PPP4R3A: variants seen among roughly 807,000 people sequenced by gnomAD.
PPP4R3A encodes the protein serine/threonine-protein phosphatase 4 regulatory subunit 3A.
In PPP4R3A, 15 loss-of-function variants were observed where a neutral mutation model predicts 91.7. The ratio of observed to expected loss-of-function variants is 0.16; its 90% CI spans 0.11 to 0.25. The LOEUF (loss-of-function observed/expected upper bound fraction) is 0.25. PPP4R3A is among the 10% of genes least tolerant of loss of function. The pLI is 1.00. For missense variants in PPP4R3A, 623 were observed against 998.4 expected (o/e 0.62, Z 5.07); for synonymous variants, 377 against 348.7 (o/e 1.08, Z -0.91).
In PPP4R3A at chr14:91,462,094, C is replaced by A. The variant is rs1888194132; in HGVS notation, c.2119G>T (p.Asp707Tyr). 6.4e-7 allele frequency: 1 copy of A among 1,557,306 alleles called. No homozygotes were observed. Residue 707 changes from aspartate (D) to tyrosine (Y), a missense_variant, in exon 13 of 15, where the codon GAT becomes TAT. Asp to Tyr is a radical substitution (Grantham distance 160). This residue lies in a region of PPP4R3A where 201 missense variants were observed against 229.9 expected (regional missense o/e 0.87). Transcript: ENST00000554943. ...TTACTTATTGGATCCATAATATCAT[C>A]ATCATTTTTAGTTTTGTCAGATGGA... ...VSPSDKTKND[D>Y]DIMDPISKFM...
intron 1 of PPP4R3A, among the ~76,000 whole-genome samples, chr14:91,498,846 G>A (rs1025251627): frequency 5.3e-5 from 8 of 150,340 alleles, no homozygotes; most frequent in South Asian, 4.2e-4. Flanking sequence ...CCCGGGAGGC[G>A]GAGCTTGCAG....
rs556645865 is a variant in PPP4R3A at position 91,494,279 on chromosome 14, A to T, written c.143-3477T>A. Among the ~76,000 whole-genome samples, 3 of 152,328 alleles carry T rather than the reference A, an allele frequency of 2.0e-5. No homozygotes were observed. In the South Asian group the frequency reaches 6.2e-4, roughly 32 times the overall value. Reference sequence around the variant, plus strand: ...GCTTCTCTAAAAGTTAAAACTGCACAAAAGTACAACCTATATAAAAGAAAA... The same window carrying T: ...GCTTCTCTAAAAGTTAAAACTGCACTAAAGTACAACCTATATAAAAGAAAA... On this transcript the variant is annotated intron_variant, in intron 1 of 14. Coordinates refer to ENST00000554943, the MANE Select transcript of PPP4R3A (RefSeq NM_001366432.2).
In PPP4R3A at chr14:91,484,468, A is replaced by C. The variant is rs146845200; in HGVS notation, c.297+1164T>G. On this transcript the variant is annotated intron_variant, in intron 3 of 14. Coordinates refer to ENST00000554943, the MANE Select transcript of PPP4R3A (RefSeq NM_001366432.2). ...CCCTCCATTCATTTATGTGCTGTCT[A>C]TGACTACTTCCGAACTAGAACAGCA... Among the ~76,000 whole-genome samples the C allele has an allele frequency of 2.0e-5, 3 of 152,340 alleles. No homozygotes were observed. The East Asian group carries it at 5.8e-4, about 29-fold the overall frequency.
chr14:91,499,833 A>T (rs1890831737), intron 1 of PPP4R3A, among the ~76,000 whole-genome samples: 1 of 151,654 alleles, frequency 6.6e-6, no homozygotes, highest in Admixed American at 6.6e-5. Context: ...AAAAAAAAAA[A>T]AAAAAAAAGT....
intron 6 of PPP4R3A, 31 bp downstream of exon 6, chr14:91,476,377 G>A (rs1399546844): frequency 2.9e-6 from 4 of 1,378,386 alleles, no homozygotes; most frequent in South Asian, 1.2e-5. Flanking sequence ...TTAAAAAATG[G>A]TAATTAAAAA....
chr14:91,461,280 C>T, intron 14 of PPP4R3A, 101 bp downstream of exon 14: 3 of 1,022,108 alleles, frequency 2.9e-6, no homozygotes, highest in Non-Finnish European at 2.9e-6. Context: ...GATGTTAAAT[C>T]AGTTCTAGGT....
At chr14:91,502,816 T>TC (rs1426547177) in intron 1 of PPP4R3A, among the ~76,000 whole-genome samples, 10 of 152,326 alleles carry the variant, frequency 6.6e-5, no homozygotes, top group Admixed American at 2.6e-4. Context: ...CAGATAAAAC[T>TC]ATTTTGAAAT....
chr14:91,493,911 T>G (rs1257951942), intron 1 of PPP4R3A, among the ~76,000 whole-genome samples: 1 of 150,352 alleles, frequency 6.7e-6, no homozygotes, highest in African/African-American at 2.5e-5. Flanking sequence ...TAGCTGGGCA[T>G]GTGCCACCAT....
At chr14:91,487,050 C>T (rs548071131) in intron 2 of PPP4R3A, among the ~76,000 whole-genome samples, 1 of 151,838 alleles carries the variant, frequency 6.6e-6, no homozygotes, top group East Asian at 1.9e-4. Flanking sequence ...AGTTCAAGAC[C>T]AGCCTGGCCA....
Position 91,461,474 on chromosome 14 carries a change from A to C in PPP4R3A, c.2298T>G (p.Pro766=). ...LTSQSSTTNL[P]GSPGSPGSPG... is the part of the protein sequence containing the mutation. ...GGGATCCAGGTGATCCCGGAGAACC[A>C]GGCAGATTTGTTGTAGATGACTGGC... The change falls in exon 14 of 15, where the codon CCT becomes CCG. Residue 766 remains proline, a synonymous_variant. Coordinates refer to ENST00000554943, the MANE Select transcript of PPP4R3A (RefSeq NM_001366432.2). 6.2e-7 allele frequency: 1 copy of C among 1,614,190 alleles called. No homozygotes were observed. Among genetic ancestry groups the C allele is most frequent in the African/African-American group, 1.3e-5 (1 of 75,048 alleles).
chr14:91,497,241 A>T (rs1890628133), intron 1 of PPP4R3A, among the ~76,000 whole-genome samples: 1 of 152,226 alleles, frequency 6.6e-6, no homozygotes, highest in South Asian at 2.1e-4. Context: ...ACTGAAGCAC[A>T]CACTCAAGAC....
chr14:91,509,695 G>A lies in PPP4R3A; in HGVS notation c.-48C>T, dbSNP rs763946130. The A allele has an allele frequency of 6.3e-6, 10 of 1,577,476 alleles. No homozygotes were observed. Among genetic ancestry groups the A allele is most frequent in the South Asian group, 5.6e-5 (5 of 88,698 alleles). On this transcript the variant is annotated 5_prime_UTR_variant, in exon 1 of 15. Coordinates refer to ENST00000554943, the MANE Select transcript of PPP4R3A (RefSeq NM_001366432.2). ...GGGGGCCCCGCCAGTAGACGCCCAGGAAAGGGGCCCTGGAGAGGCGAGGGG... is the reference window on the plus strand; with the variant it reads ...GGGGGCCCCGCCAGTAGACGCCCAGAAAAGGGGCCCTGGAGAGGCGAGGGG...
chr14:91,490,829 T>C, intron 1 of PPP4R3A, 27 bp from the exon 2 acceptor site: 1 of 1,556,218 alleles, frequency 6.4e-7, no homozygotes, highest in South Asian at 1.2e-5. Context: ...GACATTCCAT[T>C]ATGTTACTGT....
intron 3 of PPP4R3A, among the ~76,000 whole-genome samples, chr14:91,483,158 C>G (rs1315477906): frequency 2.0e-5 from 3 of 151,986 alleles, no homozygotes; most frequent in African/African-American, 7.3e-5. Flanking sequence ...TGAAATGAAA[C>G]AAATTTTGTT....
chr14:91,475,752 T>C (rs1276010294), intron 7 of PPP4R3A, 59 bp downstream of exon 7: 2 of 1,475,600 alleles, frequency 1.4e-6, no homozygotes, highest in African/African-American at 1.4e-5. Context: ...AAGTGAATAA[T>C]AAAAACAGTT....
At chr14:91,506,421 T>C (rs1891298005) in intron 1 of PPP4R3A, among the ~76,000 whole-genome samples, 1 of 152,196 alleles carries the variant, frequency 6.6e-6, no homozygotes, top group Non-Finnish European at 1.5e-5. Flanking sequence ...CTAAAAGAGT[T>C]TGGCACATAG....
In PPP4R3A at chr14:91,476,475, T is replaced by G; in HGVS notation, c.1043A>C (p.Gln348Pro). The G allele has an allele frequency of 6.2e-7, 1 of 1,612,148 alleles. No individual in the cohort carries two copies. Among genetic ancestry groups the G allele is most frequent in the Non-Finnish European group, 8.5e-7 (1 of 1,179,474 alleles). The change falls in exon 6 of 15, where the codon CAA becomes CCA. Residue 348 changes from glutamine (Q) to proline (P), a missense_variant. Coordinates refer to ENST00000554943, the MANE Select transcript of PPP4R3A (RefSeq NM_001366432.2). ...FCAFSQTLQP[Q>P]NRDAFFKTLS... ...AGTCTTGAAAAAAGCATCTCTGTTT[T>G]GAGGCTGTAGCGTTTGGGAAAACGC... is the stretch of plus-strand genomic sequence containing the variant.
At chr14:91,477,526 TTCC>T (rs1225150125) in intron 4 of PPP4R3A, among the ~76,000 whole-genome samples, 1 of 152,232 alleles carries the variant, frequency 6.6e-6, no homozygotes, top group Non-Finnish European at 1.5e-5. Context: ...TTTGTTTTAC[TTCC>T]TCATTTTATA....
chr14:91,476,669 G>A (rs1302274126), intron 5 of PPP4R3A, 145 bp from the exon 6 acceptor site: 7 of 676,200 alleles, frequency 1.0e-5, no homozygotes, highest in African/African-American at 1.8e-5. Context: ...GAGTTCAAGC[G>A]ATTCTCCTGC....
Sources: allele counts gnomAD v4.1 joint callset (sites outside exome capture counted in the v4.1 genomes callset), GRCh38; gene constraint gnomAD v4.1.1; regional missense constraint gnomAD v4.1.1; transcripts MANE v1.5; gene names NCBI Gene and HGNC (gene_info 2026-07-23, HGNC 2026-07-21).